The following ARHGAP24 variants were observed in gnomAD, a reference collection of about 807,000 sequenced individuals.
ARHGAP24 encodes Rho GTPase activating protein 24.
ARHGAP24 carries 50 observed loss-of-function variants against 76.4 expected under a neutral mutation model. The ratio of observed to expected loss-of-function variants is 0.65; its 90% CI spans 0.52 to 0.83. The LOEUF (loss-of-function observed/expected upper bound fraction) is 0.83. Among genes scored for constraint, ARHGAP24 ranks in the 40% least tolerant of loss-of-function variants. The pLI is 0.00. For synonymous variants in ARHGAP24, 345 were observed against 323.3 expected, an observed-to-expected ratio of 1.07 and a Z score of -0.72; for missense variants, 930 against 914.2, an observed-to-expected ratio of 1.02 and a Z score of -0.22.
Position 85,757,390 on chromosome 4 carries a change from C to T in ARHGAP24, c.268+35418C>T, listed in dbSNP as rs528727271. 3.0e-4 allele frequency among the ~76,000 whole-genome samples: 45 copies of T among 151,956 alleles called. No homozygotes were observed. In the South Asian group the frequency reaches 6.5e-3, roughly 22 times the overall value. On this transcript the variant is annotated intron_variant, in intron 3 of 9. Coordinates refer to ENST00000395184, the MANE Select transcript of ARHGAP24 (RefSeq NM_001025616.3). ...TCTCCCGCAACCCCACGACAGACCC[C>T]GGTGTGTGATGTTCCCCACCCTGTG...
intron 2 of ARHGAP24, among the ~76,000 whole-genome samples, chr4:85,584,566 A>G (rs886790534): frequency 6.6e-5 from 10 of 152,072 alleles, no homozygotes; most frequent in Non-Finnish European, 1.2e-4. Context: ...CATTGTGCAC[A>G]TGTACCCTAA....
chr4:85,929,962 C>G (rs1221075322), intron 4 of ARHGAP24, among the ~76,000 whole-genome samples: 1 of 152,172 alleles, frequency 6.6e-6, no homozygotes, highest in Admixed American at 6.5e-5. Context: ...AAGACAAGAG[C>G]TGGGAAGTCA....
chr4:85,536,793 C>T lies in ARHGAP24; in HGVS notation c.-20-33729C>T, dbSNP rs201598583. Among the ~76,000 whole-genome samples the T allele has an allele frequency of 1.1e-4, 16 of 152,156 alleles. 1 individual carries two copies. The East Asian group carries it at 3.1e-3, about 29-fold the overall frequency. ...TTGCTAAAACTGTTAATGATAAATT[C>T]TCATTAGGTAAGTTAGGTGATTTGA... On this transcript the variant is annotated intron_variant, in intron 1 of 9. Coordinates refer to ENST00000395184, the MANE Select transcript of ARHGAP24 (RefSeq NM_001025616.3).
At chr4:85,799,999 C>T (rs999712998) in intron 3 of ARHGAP24, among the ~76,000 whole-genome samples, 2 of 152,056 alleles carry the variant, frequency 1.3e-5, no homozygotes, top group Non-Finnish European at 2.9e-5. Flanking sequence ...TTGGAGAAGA[C>T]TAAAGAGACA....
At chr4:85,743,622 AGAG>A (rs905941867) in intron 3 of ARHGAP24, among the ~76,000 whole-genome samples, 6 of 152,066 alleles carry the variant, frequency 3.9e-5, no homozygotes, top group African/African-American at 1.4e-4. Context: ...CAAAACCCAC[AGAG>A]AAGAGAAGCA....
At chr4:85,486,626 A>G (rs1337083833) in intron 1 of ARHGAP24, among the ~76,000 whole-genome samples, 1 of 152,196 alleles carries the variant, frequency 6.6e-6, no homozygotes, top group Non-Finnish European at 1.5e-5. Context: ...GCAGTAAGAA[A>G]AGCAGTGAAA....
rs1190808195 is a variant in ARHGAP24 at position 85,721,848 on chromosome 4, CT to C, written c.181-36del. On this transcript the variant is annotated intron_variant, in intron 2 of 9. Transcript: ENST00000395184. Reference sequence around the variant, plus strand: ...AATGATGATATATGATGTTTGCTCTCTGATGATGTTGATGTTTTGGGTATTT... The same window carrying C: ...AATGATGATATATGATGTTTGCTCTCGATGATGTTGATGTTTTGGGTATTT... 3 of 1,540,044 alleles carry C rather than the reference CT, an allele frequency of 1.9e-6. No homozygotes were observed. In the African/African-American group the frequency reaches 4.1e-5, roughly 21 times the overall value.
intron 2 of ARHGAP24, among the ~76,000 whole-genome samples, chr4:85,609,316 G>A (rs1325402851): frequency 4.6e-5 from 7 of 152,022 alleles, no homozygotes; most frequent in Admixed American, 2.0e-4. Context: ...TGTTGTTTCC[G>A]TTTTATTCTG....
rs974551693 is a variant in ARHGAP24, at chr4:85,570,629, G to A, written c.88G>A (p.Gly30Arg). The change falls in exon 2 of 10, where the codon GGA (glycine) becomes AGA (arginine). Residue 30 changes from glycine to arginine, a missense_variant. Gly to Arg is a moderately radical substitution (Grantham distance 125, BLOSUM62 -2). Coordinates refer to ENST00000395184, the MANE Select transcript of ARHGAP24 (RefSeq NM_001025616.3). ...CAAGTGTGGGTGGCTGAGGAAGCAAGGAGGCTTTGTCAAGACTTGGCATAC... is the reference window on the plus strand; with the variant it reads ...CAAGTGTGGGTGGCTGAGGAAGCAAAGAGGCTTTGTCAAGACTTGGCATAC... ...AIKCGWLRKQ[G>R]GFVKTWHTRW... 6.2e-7 allele frequency: 1 copy of A among 1,614,014 alleles called. No individual in the cohort carries two copies. Among genetic ancestry groups the A allele is most frequent in the African/African-American group, 1.3e-5 (1 of 74,904 alleles).
rs530926143 is a variant in ARHGAP24 at position 85,582,000 on chromosome 4, G to A, written c.180+11279G>A. ...GTTGTTATTTAATCCCAGGTTTCTA[G>A]AAGTTTTGTGTAGCCCCACAAAAGT... is the stretch of plus-strand genomic sequence containing the variant. On this transcript the variant is annotated intron_variant, in intron 2 of 9. Transcript: ENST00000395184. Among the ~76,000 whole-genome samples, 5 of 152,160 alleles carry A rather than the reference G, an allele frequency of 3.3e-5. No homozygotes were observed. In the South Asian group the frequency reaches 1.0e-3, roughly 32 times the overall value.
At chr4:85,759,470 T>C (rs1397596429) in intron 3 of ARHGAP24, among the ~76,000 whole-genome samples, 1 of 152,212 alleles carries the variant, frequency 6.6e-6, no homozygotes, top group African/African-American at 2.4e-5. Context: ...GGAGGACTGA[T>C]GGCTGTAATA....
chr4:85,877,880 G>T (rs1733029529), intron 3 of ARHGAP24, among the ~76,000 whole-genome samples: 2 of 152,008 alleles, frequency 1.3e-5, no homozygotes. Flanking sequence ...ATGCAGTTCT[G>T]GGAATTGATA....
intron 2 of ARHGAP24, among the ~76,000 whole-genome samples, chr4:85,602,792 A>G (rs1225363051): frequency 6.6e-6 from 1 of 152,170 alleles, no homozygotes; most frequent in African/African-American, 2.4e-5. Flanking sequence ...CAATTTCTGA[A>G]TGTTTTTCTC....
At chr4:85,687,304 G>T (rs1227378788) in intron 2 of ARHGAP24, among the ~76,000 whole-genome samples, 1 of 152,046 alleles carries the variant, frequency 6.6e-6, no homozygotes, top group East Asian at 1.9e-4. Context: ...GATACAGGGG[G>T]TACATGTGCA....
intron 1 of ARHGAP24, among the ~76,000 whole-genome samples, chr4:85,540,353 A>G (rs747307678): frequency 3.9e-5 from 6 of 152,242 alleles, no homozygotes; most frequent in Non-Finnish European, 7.3e-5. Flanking sequence ...CAATAATTCA[A>G]TGTGACCAAT....
Position 85,828,127 on chromosome 4 carries a change from C to T in ARHGAP24, c.269-95521C>T, listed in dbSNP as rs371769845. Among the ~76,000 whole-genome samples, 18 of 152,230 alleles carry T rather than the reference C, an allele frequency of 1.2e-4. No homozygotes were observed. In the East Asian group the frequency reaches 2.5e-3, roughly 21 times the overall value. On this transcript the variant is annotated intron_variant, in intron 3 of 9. Coordinates refer to ENST00000395184, the MANE Select transcript of ARHGAP24 (RefSeq NM_001025616.3). The stretch of plus-strand genomic sequence containing the variant: ...TTATACCCTTGTTTTCTGTCATGAT[C>T]CATTCAGCTCTCCACGGTGTCTACA...
intron 2 of ARHGAP24, among the ~76,000 whole-genome samples, chr4:85,676,044 A>G (rs1005417695): frequency 2.0e-5 from 3 of 152,192 alleles, no homozygotes; most frequent in Non-Finnish European, 4.4e-5. Context: ...ACAGTTTCCT[A>G]AGTTATAAAT....
At chr4:85,672,487 C>T (rs1004803999) in intron 2 of ARHGAP24, among the ~76,000 whole-genome samples, 4 of 152,172 alleles carry the variant, frequency 2.6e-5, no homozygotes, top group Admixed American at 6.5e-5. Context: ...CCTACCTATC[C>T]GTCCCATCCT....
At chr4:85,748,342 C>T (rs951515737) in intron 3 of ARHGAP24, among the ~76,000 whole-genome samples, 3 of 152,178 alleles carry the variant, frequency 2.0e-5, no homozygotes, top group African/African-American at 7.2e-5. Context: ...CATACATATG[C>T]CATGCTGGGG....
Sources: allele counts gnomAD v4.1 joint callset (sites outside exome capture counted in the v4.1 genomes callset), GRCh38; gene constraint gnomAD v4.1.1; transcripts MANE v1.5; gene names NCBI Gene and HGNC (gene_info 2026-07-23, HGNC 2026-07-21).